Variants in RBFOX1 observed in about 807,000 individuals in gnomAD.
RBFOX1 encodes RNA binding protein fox-1 homolog 1.
RBFOX1 carries 8 observed loss-of-function variants against 57.7 expected under a neutral mutation model. The observed-to-expected ratio is 0.14, with a 90% CI of 0.08 to 0.25. The LOEUF is 0.25. Among genes scored for constraint, RBFOX1 ranks in the 10% least tolerant of loss-of-function variants. The probability of loss-of-function intolerance (pLI) is 1.00; values close to 1 mark genes in which losing one functional copy is unlikely to be tolerated. For synonymous variants in RBFOX1, 326 were observed against 222.4 expected (o/e 1.47, Z -4.15); for missense variants, 611 against 548.5 (o/e 1.11, Z -1.14).
At chr16:5,793,206 G>A (rs2054761212) in intron 3 of RBFOX1, among the ~76,000 whole-genome samples, 1 of 152,228 alleles carries the variant, frequency 6.6e-6, no homozygotes, top group Non-Finnish European at 1.5e-5. Context: ...TGCTTAGAGA[G>A]GCCAGGAGCC....
chr16:7,089,579 C>G (rs2060492997), intron 4 of RBFOX1, among the ~76,000 whole-genome samples: 2 of 152,130 alleles, frequency 1.3e-5, no homozygotes, highest in South Asian at 4.1e-4. Context: ...TAGTCACACT[C>G]TTTCTCTGAG....
rs559089954 is a variant in RBFOX1 at position 5,276,995 on chromosome 16, A to G, written c.219+36890A>G. ...GTATGAAAAAGACACTTTTGCACAC[A>G]TGTTTACATCAGCAAAATTCACATT... On this transcript the variant is annotated intron_variant, in intron 1 of 2. Coordinates refer to the RBFOX1 transcript ENST00000585867. Among the ~76,000 whole-genome samples, 11 of 152,320 alleles carry G rather than the reference A, an allele frequency of 7.2e-5. 1 individual carries two copies. The South Asian group carries it at 1.0e-3, about 14-fold the overall frequency.
At chr16:7,377,064 A>C (rs774262440) in intron 4 of RBFOX1, among the ~76,000 whole-genome samples, 3 of 152,240 alleles carry the variant, frequency 2.0e-5, no homozygotes, top group Non-Finnish European at 4.4e-5. Flanking sequence ...ATAAATGTTT[A>C]AAATTAGCTT....
Position 5,506,638 on chromosome 16 carries a change from C to T in RBFOX1, c.258+39384C>T, listed in dbSNP as rs377406145. Among the ~76,000 whole-genome samples, 12 of 152,196 alleles carry T rather than the reference C, an allele frequency of 7.9e-5. No individual in the cohort carries two copies. In the East Asian group the frequency reaches 9.7e-4, roughly 12 times the overall value. ...TAATCACCCCAGGCAGTGGGGCTGG[C>T]CTGATCACAGAGAAGGTGGGCTATA... On this transcript the variant is annotated intron_variant, in intron 2 of 2. Transcript: ENST00000585867.
chr16:7,499,747 G>C (rs1250511100), intron 4 of RBFOX1, among the ~76,000 whole-genome samples: 2 of 152,110 alleles, frequency 1.3e-5, no homozygotes, highest in African/African-American at 2.4e-5. Context: ...ATTTGGTGGT[G>C]TTTTGAATTA....
chr16:6,498,273 A>G (rs896413823), intron 2 of RBFOX1, among the ~76,000 whole-genome samples: 2 of 149,798 alleles, frequency 1.3e-5, no homozygotes, highest in Non-Finnish European at 3.0e-5. Flanking sequence ...AAAAAAAAGG[A>G]TGACAATTCC....
At chr16:7,562,482 G>A (rs752385880) in intron 5 of RBFOX1, among the ~76,000 whole-genome samples, 3 of 152,104 alleles carry the variant, frequency 2.0e-5, no homozygotes, top group Non-Finnish European at 2.9e-5. Context: ...TTGAAGACAC[G>A]AGACCCTGGG....
At chr16:6,408,895 G>T (rs989677897) in intron 2 of RBFOX1, among the ~76,000 whole-genome samples, 1 of 152,120 alleles carries the variant, frequency 6.6e-6, no homozygotes, top group East Asian at 1.9e-4. Flanking sequence ...AGCTCTTCAT[G>T]TAATTAATCA....
intron 2 of RBFOX1, among the ~76,000 whole-genome samples, chr16:6,387,156 G>T (rs1175512492): frequency 6.6e-6 from 1 of 152,204 alleles, no homozygotes; most frequent in Non-Finnish European, 1.5e-5. Flanking sequence ...TGACCCTGAA[G>T]GATGAAGCGT....
intron 3 of RBFOX1, among the ~76,000 whole-genome samples, chr16:7,019,441 GT>G (rs980462309): frequency 6.6e-6 from 1 of 152,134 alleles, no homozygotes; most frequent in African/African-American, 2.4e-5. Context: ...CATTCATGCT[GT>G]TGTAGGTTTT....
chr16:7,163,760 G>C (rs186787438), intron 4 of RBFOX1, among the ~76,000 whole-genome samples: 1 of 151,988 alleles, frequency 6.6e-6, no homozygotes, highest in African/African-American at 2.4e-5. Context: ...GGGTTCAAGC[G>C]AATCTCCCAC....
intron 4 of RBFOX1, among the ~76,000 whole-genome samples, chr16:5,998,780 T>C (rs2060535062): frequency 6.6e-6 from 1 of 152,244 alleles, no homozygotes; most frequent in Admixed American, 6.5e-5. Flanking sequence ...CCTTCTGGTC[T>C]GTCGGCATCT....
intron 4 of RBFOX1, among the ~76,000 whole-genome samples, chr16:7,294,529 A>AC (rs935200160): frequency 3.7e-4 from 56 of 151,536 alleles, no homozygotes; most frequent in African/African-American, 1.3e-3. Context: ...GGCAAGAAAA[A>AC]AAAAAAAAAA....
intron 3 of RBFOX1, among the ~76,000 whole-genome samples, chr16:5,756,237 A>AC (rs1324540327): frequency 4.8e-4 from 72 of 151,052 alleles, no homozygotes; most frequent in African/African-American, 1.6e-3. Flanking sequence ...AAAAAAAAAA[A>AC]AAAAAAAAAA....
chr16:6,213,127 A>G (rs867782025), intron 1 of RBFOX1, among the ~76,000 whole-genome samples: 1 of 152,204 alleles, frequency 6.6e-6, no homozygotes, highest in Non-Finnish European at 1.5e-5. Context: ...AAGTCTTGTT[A>G]TTGAGTTTGA....
intron 3 of RBFOX1, among the ~76,000 whole-genome samples, chr16:5,837,845 G>A (rs1219493687): frequency 6.6e-6 from 1 of 152,052 alleles, no homozygotes; most frequent in Non-Finnish European, 1.5e-5. Flanking sequence ...ATGCTTGGTG[G>A]CATAGAAGTC....
At chr16:6,510,131 G>A (rs2096221194) in intron 2 of RBFOX1, among the ~76,000 whole-genome samples, 1 of 152,144 alleles carries the variant, frequency 6.6e-6, no homozygotes, top group African/African-American at 2.4e-5. Context: ...GCTCTTTGAT[G>A]GGAGTCAGTA....
chr16:6,077,654 C>A (rs8054200), intron 1 of RBFOX1, among the ~76,000 whole-genome samples: 5 of 150,130 alleles, frequency 3.3e-5, no homozygotes, highest in Non-Finnish European at 6.0e-5. Context: ...TTTTCCCCTG[C>A]GCTCTTGCGT....
intron 4 of RBFOX1, among the ~76,000 whole-genome samples, chr16:7,333,649 A>G (rs1314862366): frequency 6.6e-6 from 1 of 152,230 alleles, no homozygotes; most frequent in Non-Finnish European, 1.5e-5. Context: ...ATCCCTTGCC[A>G]GATGTGTACA....
Sources: allele counts gnomAD v4.1 joint callset (sites outside exome capture counted in the v4.1 genomes callset), GRCh38; gene constraint gnomAD v4.1.1; transcripts MANE v1.5; gene names NCBI Gene and HGNC (gene_info 2026-07-23, HGNC 2026-07-21).